Variants in SLC35A3 observed in about 807,000 individuals in gnomAD.
SLC35A3 encodes the protein solute carrier family 35 member A3.
Under a neutral mutation model 39.0 loss-of-function variants are expected in SLC35A3, and 26 were observed. That is an observed-to-expected ratio of 0.67 (90% confidence interval 0.49 to 0.92). The LOEUF is 0.92. Among genes scored for constraint, SLC35A3 ranks in the 40% least tolerant of loss-of-function variants. The pLI, the probability that SLC35A3 is intolerant of heterozygous loss-of-function variation, is 0.00. For missense variants in SLC35A3, 299 were observed against 371.6 expected, an observed-to-expected ratio of 0.80 and a Z score of 1.61; for synonymous variants, 135 against 133.1, an observed-to-expected ratio of 1.01 and a Z score of -0.10.
At chr1:99,984,327 G>C (rs1273183109) in intron 1 of SLC35A3, among the ~76,000 whole-genome samples, 1 of 152,196 alleles carries the variant, frequency 6.6e-6, no homozygotes, top group Non-Finnish European at 1.5e-5. Flanking sequence ...CCATTTAGGA[G>C]TGAGAACATA....
chr1:100,006,943 C>T (rs773377896), intron 3 of SLC35A3, 91 bp from the exon 4 acceptor site: 172 of 1,399,922 alleles, frequency 1.2e-4, no homozygotes, highest in Non-Finnish European at 1.6e-4. Flanking sequence ...GGCATGCTGC[C>T]ATAGTCCTTA....
intron 6 of SLC35A3, 88 bp from the exon 7 acceptor site, chr1:100,017,594 A>G: frequency 2.5e-6 from 2 of 809,764 alleles, no homozygotes; most frequent in South Asian, 4.6e-5. Flanking sequence ...TTTATGGGAC[A>G]AAAGCTTAAA....
At chr1:100,001,289 C>T (rs1455303738) in intron 3 of SLC35A3, among the ~76,000 whole-genome samples, 1 of 151,932 alleles carries the variant, frequency 6.6e-6, no homozygotes, top group Non-Finnish European at 1.5e-5. Context: ...ATCCGAAGAT[C>T]GCTTTTGGTA....
chr1:99,997,704 A>AT (rs1658507604), intron 2 of SLC35A3, among the ~76,000 whole-genome samples: 1 of 151,714 alleles, frequency 6.6e-6, no homozygotes, highest in African/African-American at 2.4e-5. Flanking sequence ...CCTCTCTTGG[A>AT]CATAATTTTA....
intron 1 of SLC35A3, among the ~76,000 whole-genome samples, chr1:99,977,221 A>G (rs1273817676): frequency 6.6e-6 from 1 of 151,958 alleles, no homozygotes; most frequent in Non-Finnish European, 1.5e-5. Flanking sequence ...CTGTCACACA[A>G]GAAGGAGTGC....
Position 100,029,364 on chromosome 1 carries a change from C to T in SLC35A3, c.*6888C>T, listed in dbSNP as rs984724579. 2.6e-5 allele frequency: 4 copies of T among 152,018 alleles called. No homozygotes were observed. Among genetic ancestry groups the T allele is most frequent in the African/African-American group, 7.3e-5 (3 of 41,374 alleles). The allele number at this position is 152,018 out of a possible 1,614,324, so 9.4% of individuals were successfully genotyped here. The stretch of plus-strand genomic sequence containing the variant: ...CACAAAGACCATTCATCTCTATACA[C>T]TTCCTTCTGAATTGATGAGGATGAT... On this transcript the variant is annotated 3_prime_UTR_variant, in exon 8 of 8. Transcript: ENST00000533028.
chr1:99,985,325 C>T (rs550006662), intron 1 of SLC35A3, among the ~76,000 whole-genome samples: 15 of 152,228 alleles, frequency 9.9e-5, no homozygotes, highest in Admixed American at 2.0e-4. Context: ...AATAGGGTGT[C>T]CTTTCCCCAC....
At chr1:99,972,867 A>T (rs755573329) in intron 1 of SLC35A3, among the ~76,000 whole-genome samples, 1 of 152,198 alleles carries the variant, frequency 6.6e-6, no homozygotes, top group Non-Finnish European at 1.5e-5. Flanking sequence ...TCGTTGGTGT[A>T]GGATAGTTAT....
intron 4 of SLC35A3, among the ~76,000 whole-genome samples, chr1:100,010,272 A>G (rs1171970355): frequency 6.6e-6 from 1 of 152,202 alleles, no homozygotes; most frequent in Non-Finnish European, 1.5e-5. Flanking sequence ...CACTAGTGTT[A>G]ATTCTCTGGT....
intron 3 of SLC35A3, 106 bp from the exon 4 acceptor site, chr1:100,006,928 C>G (rs1364345186): frequency 7.7e-7 from 1 of 1,302,058 alleles, no homozygotes; most frequent in Admixed American, 3.1e-5. Context: ...CAGATGCAAC[C>G]ACCAGGCATG....
intron 2 of SLC35A3, among the ~76,000 whole-genome samples, chr1:99,998,447 C>T (rs1658549150): frequency 1.3e-5 from 2 of 152,228 alleles, no homozygotes; most frequent in South Asian, 2.1e-4. Context: ...CAGGAGCCAC[C>T]GTGCCCAGCC....
At position 100,027,593 on chromosome 1, in the gene SLC35A3, A is replaced by G. The variant is rs1337698774; in HGVS notation, c.*5117A>G. The G allele has an allele frequency of 1.3e-5, 2 of 159,800 alleles. No homozygotes were observed. The highest frequency in any genetic ancestry group is 2.7e-5 in the Non-Finnish European group (2 of 73,090). The allele number at this position is 159,800 out of a possible 1,614,324, so 9.9% of individuals were successfully genotyped here. On this transcript the variant is annotated 3_prime_UTR_variant, in exon 8 of 8. Transcript: ENST00000533028. The stretch of plus-strand genomic sequence containing the variant: ...TCTAGGCTAGCCTCAAGGTTAAGTA[A>G]TTATAGAAGTTTGGTATGTATTTTC...
At chr1:100,015,172 A>G (rs1179747645) in intron 5 of SLC35A3, 130 bp from the exon 6 acceptor site, 3 of 990,724 alleles carry the variant, frequency 3.0e-6, no homozygotes, top group Admixed American at 3.6e-5. Context: ...AAAAAAAAAA[A>G]AAAAAGAAAG....
At chr1:100,022,322 A>G in intron 7 of SLC35A3, 64 bp from the exon 8 acceptor site, 1 of 830,584 alleles carries the variant, frequency 1.2e-6, no homozygotes, top group Non-Finnish European at 1.9e-6. Context: ...GTAAAGAAAT[A>G]GAAGGAACTT....
At chr1:99,990,361 G>A (rs549922708) in intron 1 of SLC35A3, among the ~76,000 whole-genome samples, 3 of 152,214 alleles carry the variant, frequency 2.0e-5, no homozygotes, top group African/African-American at 7.2e-5. Context: ...GGATCATGAG[G>A]TCAGGAGATC....
chr1:100,015,875 GTAAT>G (rs977451944), intron 6 of SLC35A3, among the ~76,000 whole-genome samples: 2 of 151,986 alleles, frequency 1.3e-5, no homozygotes, highest in Non-Finnish European at 2.9e-5. Flanking sequence ...CAAGGGTTGA[GTAAT>G]TAATTACATC....
chr1:99,997,413 TATATATATATATATATATATATATA>T (rs1658473881), intron 2 of SLC35A3, among the ~76,000 whole-genome samples: 2 of 14,554 alleles, frequency 1.4e-4, no homozygotes, highest in Admixed American at 6.9e-4. Context: ...TATAGTTTTA[TATATATATATATATATATATATATA>T]TATATATATA....
rs1212888032 is a variant in SLC35A3 at position 100,028,922 on chromosome 1, TAAAAC to T, written c.*6448_*6452del. ...AAAACCAGCCAAAGGAAGTGACACA[TAAAAC>T]AGAGTCTAGGAGTGGTCCAAACTTG... On this transcript the variant is annotated 3_prime_UTR_variant, in exon 8 of 8. Transcript: ENST00000533028. 1 of 152,244 alleles carries T rather than the reference TAAAAC, an allele frequency of 6.6e-6. No individual in the cohort carries two copies. Among genetic ancestry groups the T allele is most frequent in the Non-Finnish European group, 1.5e-5 (1 of 68,074 alleles). The allele number at this position is 152,244 out of a possible 1,614,324, so 9.4% of individuals were successfully genotyped here.
At chr1:100,014,069 A>T (rs1014117842) in intron 5 of SLC35A3, among the ~76,000 whole-genome samples, 3 of 152,234 alleles carry the variant, frequency 2.0e-5, no homozygotes, top group African/African-American at 7.2e-5. Flanking sequence ...GAGATTCAAC[A>T]TGAACAAGAC....
Sources: gnomAD v4.1 joint callset for allele counts (sites outside exome capture counted in the v4.1 genomes callset) on GRCh38, gnomAD v4.1.1 for gene constraint, MANE v1.5 for transcripts, NCBI Gene and HGNC (gene_info 2026-07-23, HGNC 2026-07-21) for gene names.